The following PHLPP2 variants were observed in gnomAD, a reference collection of about 807,000 sequenced individuals.
The protein encoded by PHLPP2 is PH domain leucine-rich repeat-containing protein phosphatase 2.
A neutral mutation model predicts 124.9 loss-of-function variants in PHLPP2; 66 were observed. The observed-to-expected ratio is 0.53, with a 90% CI of 0.43 to 0.65. The LOEUF (loss-of-function observed/expected upper bound fraction) is 0.65, where lower values mean the gene tolerates loss of function less well. Ranked by LOEUF, PHLPP2 falls within the 30% of genes least tolerant of loss-of-function variation. The pLI is 0.00. For synonymous variants in PHLPP2, 681 were observed against 624.7 expected (o/e 1.09, Z -1.34); for missense variants, 1,685 against 1,600.4 (o/e 1.05, Z -0.90).
rs541709521 is a variant in PHLPP2, at chr16:71,710,060, G to A, written c.284+4452C>T. On this transcript the variant is annotated intron_variant, in intron 2 of 18. Coordinates refer to ENST00000568954, the MANE Select transcript of PHLPP2 (RefSeq NM_015020.3). The stretch of plus-strand genomic sequence containing the variant: ...GACGGGGCTTCACCATGTTGCCCAG[G>A]CTGATCTAGGACTCCTGAGCCCAAG... Among the ~76,000 whole-genome samples the A allele has an allele frequency of 6.5e-4, 99 of 152,230 alleles. No individual in the cohort carries two copies. The South Asian group carries it at 0.017, about 26-fold the overall frequency.
intron 11 of PHLPP2, among the ~76,000 whole-genome samples, chr16:71,667,976 C>T (rs576338204): frequency 1.0e-3 from 159 of 152,278 alleles, no homozygotes; most frequent in African/African-American, 3.5e-3. Flanking sequence ...CACCAAGCCC[C>T]ACTCTCTTTC....
At chr16:71,694,233 G>T (rs1207831538) in intron 3 of PHLPP2, among the ~76,000 whole-genome samples, 1 of 151,344 alleles carries the variant, frequency 6.6e-6, no homozygotes, top group Non-Finnish European at 1.5e-5. Flanking sequence ...AAAATTGACT[G>T]GCTGGATCAC....
At chr16:71,696,363 G>A (rs1174568246) in intron 3 of PHLPP2, among the ~76,000 whole-genome samples, 6 of 152,108 alleles carry the variant, frequency 3.9e-5, no homozygotes, top group East Asian at 1.9e-4. Flanking sequence ...GTGGCCGGGC[G>A]CAGTGGCTCA....
intron 2 of PHLPP2, among the ~76,000 whole-genome samples, chr16:71,710,260 G>A (rs1432006417): frequency 6.6e-6 from 1 of 152,164 alleles, no homozygotes; most frequent in Admixed American, 6.5e-5. Flanking sequence ...CAAATGGCAA[G>A]GTGGGAGGGT....
Position 71,678,861 on chromosome 16 carries a change from C to G in PHLPP2, c.1162G>C (p.Glu388Gln). ...NNFSQIPEVY[E>Q]KLTMLDRVVM... ...ACTCTATCTAACATAGTGAGTTTCT[C>G]ATAAACCTCAGGAATTTGACTAAAG... is the stretch of plus-strand genomic sequence containing the variant. Residue 388 changes from glutamate to glutamine, a missense_variant, in exon 8 of 19, where the codon GAG becomes CAG. By Grantham distance (29) the Glu-to-Gln change is conservative. Coordinates refer to ENST00000568954, the MANE Select transcript of PHLPP2 (RefSeq NM_015020.3). The G allele has an allele frequency of 6.2e-7, 1 of 1,612,016 alleles. No individual in the cohort carries two copies. The highest frequency in any genetic ancestry group is 8.5e-7 in the Non-Finnish European group (1 of 1,178,128).
chr16:71,678,830 A>G lies in PHLPP2; in HGVS notation c.1193T>C (p.Met398Thr). 1 of 1,612,872 alleles carries G rather than the reference A, an allele frequency of 6.2e-7. No individual in the cohort carries two copies. The highest frequency in any genetic ancestry group is 1.7e-4 in the Middle Eastern group (1 of 6,058). ...CAGGACTTCCAGGCAATTTCCTGCC[A>G]TAACCACTCTATCTAACATAGTGAG... ...EKLTMLDRVVMAGNCLEVLNL... is the reference protein window; with the variant it reads ...EKLTMLDRVVTAGNCLEVLNL... The change falls in exon 8 of 19, where the codon ATG becomes ACG. Residue 398 changes from methionine to threonine, a missense_variant. Physicochemically the swap from Met to Thr is moderately conservative, Grantham distance 81. Transcript: ENST00000568954.
chr16:71,669,439 AT>A, intron 10 of PHLPP2, 69 bp from the exon 11 acceptor site: 2 of 1,129,230 alleles, frequency 1.8e-6, no homozygotes, highest in Non-Finnish European at 2.6e-6. Context: ...GTAGGCTATA[AT>A]GTATCCATTA....
chr16:71,678,763 C>T lies in PHLPP2; in HGVS notation c.1260G>A (p.Val420=), dbSNP rs781530426. The change falls in exon 8 of 19, where the codon GTG becomes GTA. Residue 420 remains valine, a synonymous_variant. Transcript: ENST00000568954. ...GTAAAGAATAACCTTACCTTAAATC[C>T]ACATGCTTGATATGGTTCATCCTAT... The part of the protein sequence containing the change: ...VLNRMNHIKH[V]DLRMNHLKTM... 3.2e-6 allele frequency: 5 copies of T among 1,567,936 alleles called. No individual in the cohort carries two copies. Among genetic ancestry groups the T allele is most frequent in the Non-Finnish European group, 4.4e-6 (5 of 1,138,122 alleles).
intron 3 of PHLPP2, among the ~76,000 whole-genome samples, chr16:71,701,368 A>G (rs1412446146): frequency 6.6e-6 from 1 of 151,846 alleles, no homozygotes; most frequent in Non-Finnish European, 1.5e-5. Context: ...TTTTGGTACC[A>G]GGTACATTAT....
chr16:71,688,614 T>G (rs1470857118), intron 4 of PHLPP2, among the ~76,000 whole-genome samples: 3 of 151,114 alleles, frequency 2.0e-5, no homozygotes, highest in African/African-American at 7.3e-5. Flanking sequence ...GTGGGTTTTT[T>G]TTTTTTTTTT....
At position 71,667,419 on chromosome 16, in the gene PHLPP2, T is replaced by C. The variant is rs191592304; in HGVS notation, c.1629-86A>G. 574 of 1,016,336 alleles carry C rather than the reference T, an allele frequency of 5.6e-4. No homozygotes were observed. The African/African-American group carries it at 8.5e-3, about 15-fold the overall frequency. The allele number at this position is 1,016,336 out of a possible 1,614,324, so 63.0% of individuals were successfully genotyped here. A position where few individuals can be genotyped will look rare whatever the true frequency, so the allele number is the denominator to read the frequency against. On this transcript the variant is annotated intron_variant, in intron 11 of 18. Coordinates refer to ENST00000568954, the MANE Select transcript of PHLPP2 (RefSeq NM_015020.3). ...CTGTCCTAGCCTATTTAACTGAAAT[T>C]AGTTAACTTATAGAAACATATTCTC...
At chr16:71,688,749 T>C (rs1233494581) in intron 4 of PHLPP2, among the ~76,000 whole-genome samples, 2 of 152,024 alleles carry the variant, frequency 1.3e-5, no homozygotes, top group Non-Finnish European at 2.9e-5. Context: ...ACTCTTTCCC[T>C]CTCAAGCAAC....
intron 3 of PHLPP2, among the ~76,000 whole-genome samples, chr16:71,700,129 G>C (rs1162573958): frequency 6.6e-6 from 1 of 152,142 alleles, no homozygotes; most frequent in South Asian, 2.1e-4. Context: ...GCTCACAGTG[G>C]CTCGTGCCTG....
Position 71,664,202 on chromosome 16 carries a change from C to T in PHLPP2, c.1785-103G>A. The T allele has an allele frequency of 5.0e-6, 4 of 792,478 alleles. No homozygotes were observed. The South Asian group carries it at 6.4e-5, about 13-fold the overall frequency. The allele number at this position is 792,478 out of a possible 1,614,324, so 49.1% of individuals were successfully genotyped here. ...CAGTATGGAATGCTGCCATTCTAAGCTTCCAAATGGGAAAAAAAAAAAAAT... is the reference window on the plus strand; with the variant it reads ...CAGTATGGAATGCTGCCATTCTAAGTTTCCAAATGGGAAAAAAAAAAAAAT... On this transcript the variant is annotated intron_variant, in intron 12 of 18. Coordinates refer to ENST00000568954, the MANE Select transcript of PHLPP2 (RefSeq NM_015020.3).
At chr16:71,721,145 C>A (rs1352645249) in intron 1 of PHLPP2, among the ~76,000 whole-genome samples, 1 of 148,134 alleles carries the variant, frequency 6.8e-6, no homozygotes, top group East Asian at 2.0e-4. Context: ...CCAGCCTAGG[C>A]AACAAGGTAA....
intron 13 of PHLPP2, among the ~76,000 whole-genome samples, chr16:71,662,249 GT>G (rs2044798756): frequency 6.6e-6 from 1 of 151,534 alleles, no homozygotes; most frequent in African/African-American, 2.4e-5. Context: ...GGCCAATATG[GT>G]GAAACCCTGT....
intron 16 of PHLPP2, 31 bp from the exon 17 acceptor site, chr16:71,655,465 A>C: frequency 6.6e-7 from 1 of 1,513,198 alleles, no homozygotes; most frequent in Non-Finnish European, 9.1e-7. Flanking sequence ...CAGAAAACAG[A>C]AAAGTTACTG....
Position 71,676,633 on chromosome 16 carries a change from T to C in PHLPP2, c.1285A>G (p.Thr429Ala). 1.9e-6 allele frequency: 3 copies of C among 1,611,622 alleles called. No homozygotes were observed. Among genetic ancestry groups the C allele is most frequent in the Non-Finnish European group, 2.5e-6 (3 of 1,177,698 alleles). Residue 429 changes from threonine to alanine, a missense_variant, in exon 9 of 19, where the codon ACC becomes GCC. By Grantham distance (58) the Thr-to-Ala change is moderately conservative. Coordinates refer to ENST00000568954, the MANE Select transcript of PHLPP2 (RefSeq NM_015020.3). ...HVDLRMNHLK[T>A]MVIENLEGNK... Reference sequence around the variant, plus strand: ...CCCTCCAGATTTTCAATAACCATGGTTTTCAAATGGTTCATCCTTAATACG... The same window carrying C: ...CCCTCCAGATTTTCAATAACCATGGCTTTCAAATGGTTCATCCTTAATACG...
rs190209992 is a variant in PHLPP2 at position 71,663,801 on chromosome 16, C to T, written c.1985+98G>A. On this transcript the variant is annotated intron_variant, in intron 13 of 18. Transcript: ENST00000568954. ...ATCATAGCATCTGTAAGTCAGTGAACGTAAACAAAGAGTCATAGTCAGATG... is the reference window on the plus strand; with the variant it reads ...ATCATAGCATCTGTAAGTCAGTGAATGTAAACAAAGAGTCATAGTCAGATG... The T allele has an allele frequency of 1.2e-3, 1,080 of 915,276 alleles. 1 individual carries two copies. The highest frequency in any genetic ancestry group is 1.7e-3 in the Non-Finnish European group (952 of 575,828). 56.7% of individuals were successfully genotyped at this position (915,276 alleles called of 1,614,324 possible). A position where few individuals can be genotyped will look rare whatever the true frequency, so the allele number is the denominator to read the frequency against.
Sources: gnomAD v4.1 joint callset for allele counts (sites outside exome capture counted in the v4.1 genomes callset) on GRCh38, gnomAD v4.1.1 for gene constraint, MANE v1.5 for transcripts, NCBI Gene and HGNC (gene_info 2026-07-23, HGNC 2026-07-21) for gene names.